The following NCOA7 variants were observed in gnomAD, a reference collection of about 807,000 sequenced individuals.
The protein encoded by NCOA7 is nuclear receptor coactivator 7.
In NCOA7, 45 loss-of-function variants were observed where a neutral mutation model predicts 104.3. The ratio of observed to expected loss-of-function variants is 0.43; its 90% CI spans 0.34 to 0.55. The LOEUF (loss-of-function observed/expected upper bound fraction) is 0.55, where lower values mean the gene tolerates loss of function less well. Ranked by LOEUF, NCOA7 falls within the 20% of genes least tolerant of loss-of-function variation. The probability of loss-of-function intolerance (pLI) is 0.02; values close to 1 mark genes in which losing one functional copy is unlikely to be tolerated. For synonymous variants in NCOA7, 398 were observed against 402.3 expected, an observed-to-expected ratio of 0.99 and a Z score of 0.13; for missense variants, 1,041 against 1,119.7, an observed-to-expected ratio of 0.93 and a Z score of 1.00.
rs531137196 is a variant in NCOA7 at position 125,878,382 on chromosome 6, C to G, written c.459+12C>G. 9.6e-6 allele frequency: 15 copies of G among 1,561,548 alleles called. No homozygotes were observed. In the East Asian group the frequency reaches 3.4e-4, roughly 35 times the overall value. On this transcript the variant is annotated intron_variant, in intron 5 of 15. Coordinates refer to ENST00000392477, the MANE Select transcript of NCOA7 (RefSeq NM_181782.5). The stretch of plus-strand genomic sequence containing the variant: ...TTGTTCCAGGCCAGGTAATTATACT[C>G]TTACTGGATATAACTCTAGAAATTC...
intron 10 of NCOA7, among the ~76,000 whole-genome samples, chr6:125,903,960 C>T (rs767128724): frequency 4.6e-5 from 7 of 152,158 alleles, no homozygotes; most frequent in Non-Finnish European, 7.4e-5. Flanking sequence ...CCCACCTCAG[C>T]CTCCCAAAGT....
Position 125,881,160 on chromosome 6 carries a change from C to G in NCOA7, c.530C>G (p.Thr177Ser). Residue 177 changes from threonine (T) to serine (S), a missense_variant, in exon 6 of 16, where the codon ACT becomes AGT. Coordinates refer to ENST00000392477, the MANE Select transcript of NCOA7 (RefSeq NM_181782.5). ...CTATCATCATCCAGTCCTGGTGCTA[C>G]TGTCTCTCCTTCATCATCAGATGCA... The part of the protein sequence containing the change: ...LRLSSSSPGA[T>S]VSPSSSDAEY... The G allele has an allele frequency of 6.2e-7, 1 of 1,613,960 alleles. No homozygotes were observed.
chr6:125,926,195 C>G (rs1415484655), intron 13 of NCOA7, among the ~76,000 whole-genome samples: 2 of 151,822 alleles, frequency 1.3e-5, no homozygotes, highest in Non-Finnish European at 2.9e-5. Flanking sequence ...CCTGTAATCC[C>G]AGCTACTCGG....
At chr6:125,848,855 A>G (rs9491515) in intron 2 of NCOA7, among the ~76,000 whole-genome samples, 5,487 of 152,264 alleles carry the variant, frequency 0.036, 328 homozygotes, top group African/African-American at 0.12. Flanking sequence ...CAAATACCTT[A>G]AATAAGAAGA....
chr6:125,900,603 T>A (rs1373145510), intron 10 of NCOA7, among the ~76,000 whole-genome samples: 1 of 152,248 alleles, frequency 6.6e-6, no homozygotes, highest in Non-Finnish European at 1.5e-5. Flanking sequence ...ACAATGGAGC[T>A]AATTAAACAT....
intron 15 of NCOA7, 28 bp downstream of exon 15, chr6:125,928,275 T>C: frequency 6.3e-7 from 1 of 1,585,690 alleles, no homozygotes; most frequent in Middle Eastern, 1.8e-4. Flanking sequence ...TTTGTTTTCT[T>C]ATTGTTATTT....
At chr6:125,909,171 T>C (rs1562171827) in intron 10 of NCOA7, among the ~76,000 whole-genome samples, 1 of 152,230 alleles carries the variant, frequency 6.6e-6, no homozygotes, top group Admixed American at 6.5e-5. Flanking sequence ...CAGAAACCAC[T>C]GTGGAATGAG....
chr6:125,863,942 A>G (rs1268238196), intron 3 of NCOA7, among the ~76,000 whole-genome samples: 1 of 137,896 alleles, frequency 7.3e-6, no homozygotes, highest in Admixed American at 6.9e-5. Flanking sequence ...GGATTTCAAC[A>G]TATGAATTTT....
chr6:125,874,021 A>G (rs757226389), intron 3 of NCOA7, among the ~76,000 whole-genome samples: 31 of 152,126 alleles, frequency 2.0e-4, no homozygotes, highest in Non-Finnish European at 3.8e-4. Flanking sequence ...GCCATTTTTG[A>G]CCTTTAAAAA....
chr6:125,867,304 A>G (rs149891505), intron 3 of NCOA7, among the ~76,000 whole-genome samples: 1 of 152,224 alleles, frequency 6.6e-6, no homozygotes, highest in African/African-American at 2.4e-5. Context: ...TCTTCTCAGT[A>G]TTTAAAACTT....
At chr6:125,877,554 A>G (rs532719841) in intron 4 of NCOA7, among the ~76,000 whole-genome samples, 1 of 152,308 alleles carries the variant, frequency 6.6e-6, no homozygotes, top group African/African-American at 2.4e-5. Flanking sequence ...TTTCCTGTGA[A>G]GTTTCTCATC....
intron 10 of NCOA7, among the ~76,000 whole-genome samples, chr6:125,908,087 G>T (rs1463247463): frequency 6.6e-6 from 1 of 152,170 alleles, no homozygotes; most frequent in Non-Finnish European, 1.5e-5. Context: ...CAAACCCAGA[G>T]CCTAGATTTA....
At chr6:125,887,986 A>G (rs956133778) in intron 8 of NCOA7, among the ~76,000 whole-genome samples, 2 of 152,138 alleles carry the variant, frequency 1.3e-5, no homozygotes, top group Non-Finnish European at 2.9e-5. Context: ...TTTGTTACAT[A>G]GGTGCATGCC....
At chr6:125,808,786 C>A (rs1776695106) in intron 1 of NCOA7, among the ~76,000 whole-genome samples, 1 of 152,176 alleles carries the variant, frequency 6.6e-6, no homozygotes, top group South Asian at 2.1e-4. Context: ...TTTGCATGTT[C>A]TTTTCTAAGA....
chr6:125,862,450 C>T (rs1018765018), intron 3 of NCOA7, among the ~76,000 whole-genome samples: 2 of 137,904 alleles, frequency 1.5e-5, no homozygotes, highest in African/African-American at 3.0e-5. Context: ...TTTTCAAGGT[C>T]AAAGACAAGA....
chr6:125,914,321 C>T (rs1275448622), intron 10 of NCOA7, among the ~76,000 whole-genome samples: 3 of 152,078 alleles, frequency 2.0e-5, no homozygotes, highest in African/African-American at 4.8e-5. Flanking sequence ...ATGTTAAATA[C>T]AACAGTTATG....
chr6:125,831,263 C>T (rs112315022), intron 2 of NCOA7, among the ~76,000 whole-genome samples: 17 of 152,178 alleles, frequency 1.1e-4, no homozygotes, highest in Middle Eastern at 3.4e-3. Flanking sequence ...TGTGACTGGC[C>T]CATCAATATG....
intron 3 of NCOA7, among the ~76,000 whole-genome samples, chr6:125,861,397 C>G (rs1782037201): frequency 6.6e-6 from 1 of 152,104 alleles, no homozygotes; most frequent in African/African-American, 2.4e-5. Flanking sequence ...AAATAAACTT[C>G]TAAACATAAA....
At chr6:125,858,395 C>G (rs1781766443) in intron 3 of NCOA7, among the ~76,000 whole-genome samples, 2 of 152,046 alleles carry the variant, frequency 1.3e-5, no homozygotes, top group Admixed American at 1.3e-4. Flanking sequence ...AATCCCAGCA[C>G]TTTGGGAGGC....
Sources: allele counts gnomAD v4.1 joint callset (sites outside exome capture counted in the v4.1 genomes callset), GRCh38; gene constraint gnomAD v4.1.1; transcripts MANE v1.5; gene names NCBI Gene and HGNC (gene_info 2026-07-23, HGNC 2026-07-21).